MAGI2: variants seen among roughly 807,000 people sequenced by gnomAD.
MAGI2 encodes membrane associated guanylate kinase, WW and PDZ domain containing 2.
MAGI2 carries 35 observed loss-of-function variants against 133.3 expected under a neutral mutation model. The ratio of observed to expected loss-of-function variants is 0.26; its 90% CI spans 0.20 to 0.35. MAGI2 has a LOEUF of 0.35. Ranked by LOEUF, MAGI2 falls within the 10% of genes least tolerant of loss-of-function variation. MAGI2 has a pLI of 1.00. For synonymous variants in MAGI2, 729 were observed against 710.6 expected, an observed-to-expected ratio of 1.03 and a Z score of -0.41; for missense variants, 1,636 against 1,863.4, an observed-to-expected ratio of 0.88 and a Z score of 2.25.
intron 10 of MAGI2, among the ~76,000 whole-genome samples, chr7:78,245,967 A>G (rs1791734935): frequency 6.6e-6 from 1 of 152,122 alleles, no homozygotes. Context: ...GGGCTTAGCC[A>G]CCATGGAGCC....
chr7:78,029,488 C>T (rs762582171), intron 21 of MAGI2, among the ~76,000 whole-genome samples: 2 of 152,188 alleles, frequency 1.3e-5, no homozygotes, highest in African/African-American at 2.4e-5. Flanking sequence ...TGCTCAAATA[C>T]GATTTTAAAT....
chr7:78,536,103 C>CTTTTTTTTTTTTTTTTTTTTTTTTTTT, intron 3 of MAGI2, among the ~76,000 whole-genome samples: 1 of 59,924 alleles, frequency 1.7e-5, no homozygotes, highest in Non-Finnish European at 2.8e-5. Context: ...ATGAATTAAA[C>CTTTTTTTTTTTTTTTTTTTTTTTTTTT]TTTTTTTTTT....
At chr7:78,063,232 ATTT>A (rs1471083431) in intron 21 of MAGI2, among the ~76,000 whole-genome samples, 1 of 101,224 alleles carries the variant, frequency 9.9e-6, no homozygotes, top group East Asian at 3.8e-4. Context: ...GATAGAAGGT[ATTT>A]TTTTCTTTTC....
At chr7:78,722,046 G>A (rs1256744413) in intron 2 of MAGI2, among the ~76,000 whole-genome samples, 1 of 151,148 alleles carries the variant, frequency 6.6e-6, no homozygotes, top group Non-Finnish European at 1.5e-5. Flanking sequence ...AAGGAAATAA[G>A]TATACGTAAT....
chr7:79,169,924 C>G (rs1052312876), intron 1 of MAGI2, among the ~76,000 whole-genome samples: 3 of 151,724 alleles, frequency 2.0e-5, no homozygotes, highest in Non-Finnish European at 4.4e-5. Flanking sequence ...TCCATAAATA[C>G]TCATCAATTG....
At chr7:79,346,652 T>C (rs1386430113) in intron 1 of MAGI2, among the ~76,000 whole-genome samples, 2 of 151,966 alleles carry the variant, frequency 1.3e-5, no homozygotes, top group African/African-American at 2.4e-5. Flanking sequence ...CTTCTGGTAG[T>C]ATATTTATCT....
intron 3 of MAGI2, among the ~76,000 whole-genome samples, chr7:78,622,859 C>A (rs1195426863): frequency 6.6e-6 from 1 of 151,954 alleles, no homozygotes; most frequent in South Asian, 2.1e-4. Flanking sequence ...GGTATTGATA[C>A]AATTGTCAAA....
At chr7:79,419,986 C>T (rs1279072135) in intron 1 of MAGI2, among the ~76,000 whole-genome samples, 1 of 152,060 alleles carries the variant, frequency 6.6e-6, no homozygotes, top group African/African-American at 2.4e-5. Flanking sequence ...TATTGGCCCA[C>T]AAGGGCATAT....
chr7:78,548,139 G>T (rs1799024187), intron 3 of MAGI2, among the ~76,000 whole-genome samples: 1 of 152,174 alleles, frequency 6.6e-6, no homozygotes, highest in African/African-American at 2.4e-5. Flanking sequence ...ACTCCCATTT[G>T]AGGCATTACA....
At chr7:79,305,424 C>T (rs1021272262) in intron 1 of MAGI2, among the ~76,000 whole-genome samples, 6 of 152,092 alleles carry the variant, frequency 3.9e-5, no homozygotes, top group Admixed American at 3.9e-4. Flanking sequence ...TGGTATCTGA[C>T]TAATGAAGAT....
At chr7:78,225,229 C>T (rs1276523094) in intron 10 of MAGI2, among the ~76,000 whole-genome samples, 3 of 152,136 alleles carry the variant, frequency 2.0e-5, no homozygotes, top group Non-Finnish European at 4.4e-5. Context: ...TTTGTTTATC[C>T]CCGTGAGCAG....
At chr7:78,864,084 T>A (rs936967672) in intron 2 of MAGI2, among the ~76,000 whole-genome samples, 1 of 152,240 alleles carries the variant, frequency 6.6e-6, no homozygotes, top group African/African-American at 2.4e-5. Context: ...TTACACAATA[T>A]ATTTTTGTCT....
intron 1 of MAGI2, among the ~76,000 whole-genome samples, chr7:79,271,008 C>G (rs1563065707): frequency 6.6e-6 from 1 of 152,018 alleles, no homozygotes; most frequent in East Asian, 1.9e-4. Context: ...TCCTTTACTG[C>G]TTCCTCTCTG....
chr7:79,282,201 C>A (rs1835697474), intron 1 of MAGI2, among the ~76,000 whole-genome samples: 1 of 152,136 alleles, frequency 6.6e-6, no homozygotes. Context: ...TAGGTATATA[C>A]AGCACTTGTG....
chr7:78,424,235 G>A (rs1047982089), intron 6 of MAGI2, among the ~76,000 whole-genome samples: 1 of 152,182 alleles, frequency 6.6e-6, no homozygotes, highest in Non-Finnish European at 1.5e-5. Context: ...TCAGGCTGTT[G>A]CCTCAGAGGA....
chr7:78,228,989 C>T (rs1198126429), intron 10 of MAGI2, among the ~76,000 whole-genome samples: 1 of 152,264 alleles, frequency 6.6e-6, no homozygotes, highest in Non-Finnish European at 1.5e-5. Flanking sequence ...CATCTAGAAT[C>T]TCGTGCCCAC....
chr7:78,192,458 C>A (rs866723761), intron 12 of MAGI2, among the ~76,000 whole-genome samples: 1 of 150,760 alleles, frequency 6.6e-6, no homozygotes, highest in Non-Finnish European at 1.5e-5. Context: ...TTTAGTACTG[C>A]TTTAAACATT....
chr7:78,264,824 C>T (rs1460753918), intron 9 of MAGI2, among the ~76,000 whole-genome samples: 1 of 151,858 alleles, frequency 6.6e-6, no homozygotes, highest in Non-Finnish European at 1.5e-5. Context: ...GGAAAGCTGT[C>T]CTACTGAATT....
intron 14 of MAGI2, among the ~76,000 whole-genome samples, chr7:78,171,396 T>A (rs1366889235): frequency 2.0e-5 from 3 of 152,186 alleles, no homozygotes; most frequent in African/African-American, 7.2e-5. Context: ...GGTGAGCTTA[T>A]TAAAACAGTT....
Sources: allele counts gnomAD v4.1 joint callset (sites outside exome capture counted in the v4.1 genomes callset), GRCh38; gene constraint gnomAD v4.1.1; transcripts MANE v1.5; gene names NCBI Gene and HGNC (gene_info 2026-07-23, HGNC 2026-07-21).